TPRG1: variants seen among roughly 807,000 people sequenced by gnomAD.
TPRG1 encodes the protein tumor protein p63 regulated 1.
TPRG1 carries 29 observed loss-of-function variants against 29.3 expected under a neutral mutation model. The ratio of observed to expected loss-of-function variants is 0.99; its 90% confidence interval spans 0.74 to 1.35. TPRG1 has a LOEUF of 1.35. Ranked by LOEUF, TPRG1 falls within the 40% of genes most tolerant of loss-of-function variation. The pLI, the probability that TPRG1 is intolerant of heterozygous loss-of-function variation, is 0.00. For synonymous variants in TPRG1, 130 were observed against 116.8 expected (o/e 1.11, Z -0.73); for missense variants, 327 against 335.0 (o/e 0.98, Z 0.19).
Position 189,131,341 on chromosome 3 carries a change from G to A in TPRG1, c.-589-1058G>A, listed in dbSNP as rs1003267745. Among the ~76,000 whole-genome samples the A allele has an allele frequency of 5.9e-5, 9 of 152,124 alleles. No individual in the cohort carries two copies. The East Asian group carries it at 1.7e-3, about 29-fold the overall frequency. On this transcript the variant is annotated intron_variant, in intron 2 of 6. Coordinates refer to the TPRG1 transcript ENST00000412373. The stretch of plus-strand genomic sequence containing the variant: ...TGGAATTATATATAAATATTCATGT[G>A]TGTATATGTATACGTGTATATACGT...
In TPRG1 at chr3:189,312,169, CTTTCTTTCTTTCTTTT is replaced by C. The variant is rs1560689509; in HGVS notation, c.633+1646_633+1661del. On this transcript the variant is annotated intron_variant, in intron 5 of 5. Transcript: ENST00000345063. ...TCTTTCTTTCTTTCTTTCTTTCTTTCTTTCTTTCTTTCTTTTTTTCTTTCTTTCTTTCTTTCTTTCT... is the reference window on the plus strand; with the variant it reads ...TCTTTCTTTCTTTCTTTCTTTCTTTCTTTCTTTCTTTCTTTCTTTCTTTCT... Among the ~76,000 whole-genome samples the C allele has an allele frequency of 7.2e-3, 478 of 66,004 alleles. 26 individuals are homozygous for C. Among genetic ancestry groups the C allele is most frequent in the African/African-American group, 0.017 (263 of 15,368 alleles). The allele number at this position is 66,004 out of a possible 152,430, so 43.3% of individuals were successfully genotyped here. A position where few individuals can be genotyped will look rare whatever the true frequency, so the allele number is the denominator to read the frequency against.
intron 1 of TPRG1, among the ~76,000 whole-genome samples, chr3:189,113,560 T>G (rs1023380088): frequency 3.3e-5 from 5 of 152,276 alleles, no homozygotes; most frequent in African/African-American, 1.2e-4. Flanking sequence ...CATCAATACC[T>G]AATTTATTGA....
intron 1 of TPRG1, among the ~76,000 whole-genome samples, chr3:189,194,724 G>A (rs2108753976): frequency 6.6e-6 from 1 of 152,302 alleles, no homozygotes; most frequent in Admixed American, 6.5e-5. Flanking sequence ...GGCAGCTTGA[G>A]TCCCAGGGAA....
intron 4 of TPRG1, among the ~76,000 whole-genome samples, chr3:189,246,316 T>C (rs1741379846): frequency 6.6e-6 from 1 of 152,210 alleles, no homozygotes. Flanking sequence ...TTTTTCTTTA[T>C]AAATTACCTA....
intron 3 of TPRG1, among the ~76,000 whole-genome samples, chr3:189,142,625 A>G (rs1724720900): frequency 6.6e-6 from 1 of 152,214 alleles, no homozygotes; most frequent in South Asian, 2.1e-4. Flanking sequence ...TCTGAAGACC[A>G]AAGAGACTCT....
intron 1 of TPRG1, among the ~76,000 whole-genome samples, chr3:189,189,999 T>C (rs1731465462): frequency 1.3e-5 from 2 of 152,318 alleles, no homozygotes; most frequent in Non-Finnish European, 2.9e-5. Flanking sequence ...AAAGGGAAGA[T>C]AGAGCTTCTC....
chr3:189,294,140 CTT>C (rs1276138990), intron 4 of TPRG1, among the ~76,000 whole-genome samples: 5 of 152,148 alleles, frequency 3.3e-5, no homozygotes, highest in Admixed American at 2.0e-4. Context: ...GTCTCATTAG[CTT>C]ACTTTTCTCA....
chr3:189,313,227 T>C (rs1158000060), intron 5 of TPRG1: 1 of 152,196 alleles, frequency 6.6e-6, no homozygotes, highest in Non-Finnish European at 1.5e-5. Context: ...TGTTGTTGGT[T>C]TTTATGTCAC....
intron 3 of TPRG1, among the ~76,000 whole-genome samples, chr3:189,021,367 T>G (rs1197184387): frequency 6.6e-6 from 1 of 152,236 alleles, no homozygotes; most frequent in East Asian, 1.9e-4. Flanking sequence ...CAGCGGCTGG[T>G]ACCGGTTGTT....
At chr3:189,300,353 C>T (rs972118708) in intron 4 of TPRG1, among the ~76,000 whole-genome samples, 1 of 152,196 alleles carries the variant, frequency 6.6e-6, no homozygotes, top group African/African-American at 2.4e-5. Context: ...TTGCCTGGAA[C>T]AATTTAGGCC....
chr3:189,172,805 G>C (rs770048967), intron 1 of TPRG1, among the ~76,000 whole-genome samples: 1 of 152,146 alleles, frequency 6.6e-6, no homozygotes, highest in African/African-American at 2.4e-5. Context: ...ACTACTTGGC[G>C]CCTGAGACAT....
At chr3:189,054,465 G>A (rs1408556492) in intron 4 of TPRG1, among the ~76,000 whole-genome samples, 1 of 150,386 alleles carries the variant, frequency 6.6e-6, no homozygotes, top group East Asian at 2.1e-4. Flanking sequence ...TGTAATCAAT[G>A]ATCTTTGATA....
At chr3:189,170,393 A>G (rs1023502772), upstream of TPRG1, among the ~76,000 whole-genome samples, 6 of 152,078 alleles carry the variant, frequency 3.9e-5, no homozygotes, top group African/African-American at 7.2e-5. Context: ...ACCCAACTCT[A>G]CCATCTGTGC....
At position 189,018,737 on chromosome 3, in the gene TPRG1, C is replaced by T. The variant is rs374816940; in HGVS notation, c.-659-5013C>T. ...AGGCTCTTTTTTGGTTCCATATGAA[C>T]TTTAAAGTAGTTTTTTCCAATTCTG... is the stretch of plus-strand genomic sequence containing the variant. On this transcript the variant is annotated intron_variant, in intron 3 of 10. Coordinates refer to the TPRG1 transcript ENST00000433971. Among the ~76,000 whole-genome samples the T allele has an allele frequency of 2.6e-5, 4 of 151,478 alleles. 1 individual carries two copies. The South Asian group carries it at 8.4e-4, about 32-fold the overall frequency.
chr3:189,114,931 CAG>C (rs1011573215), intron 1 of TPRG1, among the ~76,000 whole-genome samples: 148 of 152,290 alleles, frequency 9.7e-4, no homozygotes, highest in African/African-American at 3.5e-3. Flanking sequence ...TGTAAGAAGA[CAG>C]AAAGAACTCT....
At chr3:189,019,514 G>A (rs1163883580) in intron 3 of TPRG1, among the ~76,000 whole-genome samples, 1 of 152,170 alleles carries the variant, frequency 6.6e-6, no homozygotes, top group Non-Finnish European at 1.5e-5. Flanking sequence ...CTTTGGCTCT[G>A]TTTATATGCT....
chr3:189,208,930 G>A (rs1734834168), intron 2 of TPRG1, among the ~76,000 whole-genome samples: 1 of 152,216 alleles, frequency 6.6e-6, no homozygotes, highest in Non-Finnish European at 1.5e-5. Flanking sequence ...TGAATCTGGT[G>A]TTGGGCCTGA....
chr3:189,282,273 A>C (rs1186916497), intron 4 of TPRG1, among the ~76,000 whole-genome samples: 6 of 149,866 alleles, frequency 4.0e-5, no homozygotes, highest in Admixed American at 4.0e-4. Context: ...ATCAGTGGAT[A>C]ACATGGTGTT....
At position 189,001,771 on chromosome 3, in the gene TPRG1, A is replaced by C. The variant is rs551524391; in HGVS notation, c.-878+860A>C. On this transcript the variant is annotated intron_variant, in intron 2 of 10. Transcript: ENST00000433971. ...ATGGAAGTGAGTTTCAAGTCATGGA[A>C]ATGAGCTCCATGACTCACTTCTTTG... is the stretch of plus-strand genomic sequence containing the variant. Among the ~76,000 whole-genome samples, 7 of 152,226 alleles carry C rather than the reference A, an allele frequency of 4.6e-5. No homozygotes were observed. The South Asian group carries it at 1.5e-3, about 32-fold the overall frequency.
Sources: gnomAD v4.1 joint callset for allele counts (sites outside exome capture counted in the v4.1 genomes callset) on GRCh38, gnomAD v4.1.1 for gene constraint, MANE v1.5 for transcripts, NCBI Gene and HGNC (gene_info 2026-07-23, HGNC 2026-07-21) for gene names.